SMIM20: variants seen among roughly 807,000 people sequenced by gnomAD.
SMIM20 encodes the protein mitochondrial translation regulation assembly intermediate of cytochrome c oxidase protein of 7 kDa.
Under a neutral mutation model 8.7 loss-of-function variants are expected in SMIM20, and 3 were observed. That is an observed-to-expected ratio of 0.34 (90% CI 0.16 to 0.89). The LOEUF is 0.89. SMIM20 is among the 40% of genes least tolerant of loss of function. The pLI is 0.49. For synonymous variants in SMIM20, 44 were observed against 33.6 expected (o/e 1.31, Z -1.07); for missense variants, 85 against 84.8 (o/e 1.00, Z -0.01).
intron 1 of SMIM20, among the ~76,000 whole-genome samples, chr4:25,927,469 A>C (rs779948607): frequency 2.0e-5 from 3 of 152,254 alleles, no homozygotes; most frequent in Non-Finnish European, 4.4e-5. Context: ...ATGTGGATTT[A>C]AAGAAACACT....
chr4:25,928,329 A>G lies in SMIM20; in HGVS notation c.126A>G (p.Ile42Met), dbSNP rs1711564303. 6.5e-7 allele frequency: 1 copy of G among 1,549,988 alleles called. No homozygotes were observed. The change falls in exon 2 of 3, where the codon ATA becomes ATG. Residue 42 changes from isoleucine (I) to methionine (M), a missense_variant. By Grantham distance (10) the Ile-to-Met change is conservative. Coordinates refer to ENST00000506197, the MANE Select transcript of SMIM20 (RefSeq NM_001145432.3). ...GTTTCTCAGAGAAGGAACAAGCTATAAATCGGGCTGGAATTGTTCAAGAGG... is the reference window on the plus strand; with the variant it reads ...GTTTCTCAGAGAAGGAACAAGCTATGAATCGGGCTGGAATTGTTCAAGAGG... ...RLEEYKKEQA[I>M]NRAGIVQEDV...
rs182126567 is a variant in SMIM20 at position 25,921,977 on chromosome 4, A to C, written c.110-6336A>C. ...TAGAGACAGTAAAAGAGATAAGTGAAAATATGAATTATATTTAACAGAAAT... is the reference window on the plus strand; with the variant it reads ...TAGAGACAGTAAAAGAGATAAGTGACAATATGAATTATATTTAACAGAAAT... On this transcript the variant is annotated intron_variant, in intron 1 of 2. Coordinates refer to ENST00000506197, the MANE Select transcript of SMIM20 (RefSeq NM_001145432.3). Among the ~76,000 whole-genome samples, 6 of 152,338 alleles carry C rather than the reference A, an allele frequency of 3.9e-5. No individual in the cohort carries two copies. The East Asian group carries it at 1.2e-3, about 29-fold the overall frequency.
chr4:25,915,001 A>T (rs1719056058), intron 1 of SMIM20, among the ~76,000 whole-genome samples: 1 of 152,144 alleles, frequency 6.6e-6, no homozygotes, highest in South Asian at 2.1e-4. Flanking sequence ...TGGAACCCTG[A>T]TCCTTCTGAG....
At chr4:25,918,341 G>A (rs1719133217) in intron 1 of SMIM20, among the ~76,000 whole-genome samples, 1 of 152,124 alleles carries the variant, frequency 6.6e-6, no homozygotes, top group Non-Finnish European at 1.5e-5. Flanking sequence ...TACAGATCAA[G>A]CTTCTTAATT....
At chr4:25,918,418 T>A (rs1719134621) in intron 1 of SMIM20, among the ~76,000 whole-genome samples, 1 of 152,210 alleles carries the variant, frequency 6.6e-6, no homozygotes, top group African/African-American at 2.4e-5. Context: ...TTCTGGATAA[T>A]TTTTTCTAAT....
At chr4:25,922,563 G>A (rs1719218666) in intron 1 of SMIM20, among the ~76,000 whole-genome samples, 1 of 152,158 alleles carries the variant, frequency 6.6e-6, no homozygotes, top group Non-Finnish European at 1.5e-5. Flanking sequence ...GTCCTCCTGG[G>A]TTTGCTCTTT....
intron 1 of SMIM20, 139 bp downstream of exon 1, chr4:25,914,561 T>A: frequency 2.5e-6 from 2 of 801,670 alleles, no homozygotes; most frequent in Non-Finnish European, 3.6e-6. Context: ...CATGTGCAGC[T>A]TTGTGACCGT....
rs1719032219 is a variant in SMIM20, at chr4:25,914,271, T to A, written c.-43T>A. 6.5e-6 allele frequency: 10 copies of A among 1,529,852 alleles called. No homozygotes were observed. The highest frequency in any genetic ancestry group is 8.8e-6 in the Non-Finnish European group (10 of 1,133,640). 94.8% of individuals were successfully genotyped at this position (1,529,852 alleles called of 1,614,324 possible). A position where few individuals can be genotyped will look rare whatever the true frequency, so the allele number is the denominator to read the frequency against. On this transcript the variant is annotated 5_prime_UTR_variant, in exon 1 of 3. Coordinates refer to ENST00000506197, the MANE Select transcript of SMIM20 (RefSeq NM_001145432.3). Reference sequence around the variant, plus strand: ...CCGTCGGTAACCTGGTTTCCGAGAGTGCCGGGCGGTCGGCGGGTCAGGGCA... The same window carrying A: ...CCGTCGGTAACCTGGTTTCCGAGAGAGCCGGGCGGTCGGCGGGTCAGGGCA...
At chr4:25,926,423 G>A (rs759999523) in intron 1 of SMIM20, among the ~76,000 whole-genome samples, 105 of 152,354 alleles carry the variant, frequency 6.9e-4, no homozygotes, top group Admixed American at 1.3e-3. Flanking sequence ...GCTCAGCAAA[G>A]TGGTTTAAAT....
chr4:25,915,604 T>A (rs1719069247), intron 1 of SMIM20, among the ~76,000 whole-genome samples: 1 of 152,178 alleles, frequency 6.6e-6, no homozygotes. Flanking sequence ...CTTATCTGCA[T>A]GCACCATGCG....
chr4:25,916,887 C>T (rs1446549175), intron 1 of SMIM20, among the ~76,000 whole-genome samples: 1 of 152,212 alleles, frequency 6.6e-6, no homozygotes, highest in Admixed American at 6.5e-5. Context: ...CTTTCGCCTT[C>T]AGTGCCAGCA....
At chr4:25,923,377 C>T (rs551385532) in intron 1 of SMIM20, among the ~76,000 whole-genome samples, 12 of 152,270 alleles carry the variant, frequency 7.9e-5, no homozygotes, top group African/African-American at 2.9e-4. Flanking sequence ...TTTCTGTGAT[C>T]CTTTTCATTT....
intron 1 of SMIM20, 30 bp downstream of exon 1, chr4:25,914,452 C>G: frequency 9.7e-6 from 14 of 1,438,548 alleles, no homozygotes; most frequent in Non-Finnish European, 1.1e-5. Flanking sequence ...TTGCGGTGAC[C>G]TGACTCCCCA....
chr4:25,916,225 T>G (rs1185418605), intron 1 of SMIM20, among the ~76,000 whole-genome samples: 2 of 149,956 alleles, frequency 1.3e-5, no homozygotes, highest in Admixed American at 6.6e-5. Flanking sequence ...TTCCTTTTTG[T>G]TTTTTTTTCT....
At chr4:25,914,675 A>C (rs1719045006) in intron 1 of SMIM20, among the ~76,000 whole-genome samples, 1 of 152,214 alleles carries the variant, frequency 6.6e-6, no homozygotes, top group Non-Finnish European at 1.5e-5. Context: ...GACTCAGGTG[A>C]TCATGTATAT....
chr4:25,917,986 A>G (rs1249662465), intron 1 of SMIM20, among the ~76,000 whole-genome samples: 4 of 129,692 alleles, frequency 3.1e-5, no homozygotes, highest in Non-Finnish European at 6.2e-5. Flanking sequence ...TCTTTCGCCC[A>G]GGCTGGAGTG....
intron 1 of SMIM20, among the ~76,000 whole-genome samples, chr4:25,914,737 T>C (rs1560385592): frequency 1.3e-5 from 2 of 152,232 alleles, no homozygotes; most frequent in Non-Finnish European, 2.9e-5. Context: ...TATTTACAGT[T>C]AAAATTCACT....
At chr4:25,918,686 A>AT (rs371805304) in intron 1 of SMIM20, among the ~76,000 whole-genome samples, 2,084 of 149,596 alleles carry the variant, frequency 0.014, 20 homozygotes, top group Middle Eastern at 0.025. Flanking sequence ...ATTTTTTTGT[A>AT]TTTTTTACTA....
chr4:25,914,735 G>A (rs1719048138), intron 1 of SMIM20, among the ~76,000 whole-genome samples: 3 of 152,222 alleles, frequency 2.0e-5, no homozygotes, highest in Non-Finnish European at 2.9e-5. Context: ...CATATTTACA[G>A]TTAAAATTCA....
Sources: gnomAD v4.1 joint callset for allele counts (sites outside exome capture counted in the v4.1 genomes callset) on GRCh38, gnomAD v4.1.1 for gene constraint, MANE v1.5 for transcripts, NCBI Gene and HGNC (gene_info 2026-07-23, HGNC 2026-07-21) for gene names.